HIVEP2: variants seen among roughly 807,000 people sequenced by gnomAD.
The protein encoded by HIVEP2 is HIVEP zinc finger 2, also known as transcription factor HIVEP2.
A neutral mutation model predicts 180.7 loss-of-function variants in HIVEP2; 14 were observed. That is an observed-to-expected ratio of 0.08 (90% CI 0.05 to 0.12). HIVEP2 has a LOEUF of 0.12. Ranked by LOEUF, HIVEP2 falls within the 10% of genes least tolerant of loss-of-function variation. The pLI, the probability that HIVEP2 is intolerant of heterozygous loss-of-function variation, is 1.00. For synonymous variants in HIVEP2, 1,184 were observed against 1,136.4 expected, an observed-to-expected ratio of 1.04 and a Z score of -0.84; for missense variants, 2,579 against 3,008.5, an observed-to-expected ratio of 0.86 and a Z score of 3.34.
At chr6:142,795,595 G>C (rs1776260298) in intron 2 of HIVEP2, among the ~76,000 whole-genome samples, 2 of 152,112 alleles carry the variant, frequency 1.3e-5, no homozygotes, top group African/African-American at 4.8e-5. Context: ...TTTTAACATA[G>C]ATGTAAATTA....
intron 1 of HIVEP2, among the ~76,000 whole-genome samples, chr6:142,891,266 G>A (rs1452583387): frequency 6.6e-6 from 1 of 152,016 alleles, no homozygotes; most frequent in East Asian, 1.9e-4. Flanking sequence ...TCCTGTTCTT[G>A]TACTCAAGGA....
chr6:142,762,396 G>A (rs1177355271), intron 7 of HIVEP2, among the ~76,000 whole-genome samples: 1 of 151,660 alleles, frequency 6.6e-6, no homozygotes, highest in East Asian at 1.9e-4. Flanking sequence ...TATGAAATGT[G>A]AGAAATTTTG....
At chr6:142,916,466 C>T (rs1328660311) in intron 1 of HIVEP2, among the ~76,000 whole-genome samples, 1 of 152,130 alleles carries the variant, frequency 6.6e-6, no homozygotes, top group East Asian at 1.9e-4. Flanking sequence ...TGATTAGAAC[C>T]ATGATCCCAC....
chr6:142,929,278 G>A (rs1777887487), intron 1 of HIVEP2, among the ~76,000 whole-genome samples: 1 of 152,176 alleles, frequency 6.6e-6, no homozygotes, highest in Non-Finnish European at 1.5e-5. Flanking sequence ...AGTTGCTGAT[G>A]ATGGCACTTG....
At chr6:142,921,556 T>C (rs901025737) in intron 1 of HIVEP2, among the ~76,000 whole-genome samples, 3 of 152,154 alleles carry the variant, frequency 2.0e-5, no homozygotes, top group South Asian at 2.1e-4. Flanking sequence ...GGATAACACA[T>C]GTAAAAGGCC....
Position 142,777,920 on chromosome 6 carries a change from G to A in HIVEP2, c.-432-1729C>T, listed in dbSNP as rs11966674. Among the ~76,000 whole-genome samples, 20 of 152,118 alleles carry A rather than the reference G, an allele frequency of 1.3e-4. No individual in the cohort carries two copies. In the South Asian group the frequency reaches 3.7e-3, roughly 28 times the overall value. On this transcript the variant is annotated intron_variant, in intron 3 of 9. Transcript: ENST00000367603. ...CATGGGCAATTTTCTCCCTAACATC[G>A]AATTTGACTGTGATGATGATGATGA...
intron 1 of HIVEP2, among the ~76,000 whole-genome samples, chr6:142,900,203 C>T (rs1221016419): frequency 6.6e-6 from 1 of 152,072 alleles, no homozygotes; most frequent in Non-Finnish European, 1.5e-5. Context: ...AGGACAGGAA[C>T]GTGGGCAAAT....
intron 3 of HIVEP2, among the ~76,000 whole-genome samples, chr6:142,781,463 A>C (rs1259959178): frequency 1.3e-5 from 2 of 152,166 alleles, no homozygotes; most frequent in African/African-American, 4.8e-5. Context: ...AAGATAATTT[A>C]CTGGAGAATA....
chr6:142,921,895 G>A (rs1195282612), intron 1 of HIVEP2, among the ~76,000 whole-genome samples: 1 of 152,212 alleles, frequency 6.6e-6, no homozygotes. Flanking sequence ...GCAAATGACA[G>A]ATCAAACTAC....
intron 1 of HIVEP2, among the ~76,000 whole-genome samples, chr6:142,862,927 T>G (rs1231420851): frequency 7.3e-6 from 1 of 137,118 alleles, no homozygotes; most frequent in Non-Finnish European, 1.5e-5. Flanking sequence ...AAATGTAATA[T>G]ATTGTACTTT....
chr6:142,785,033 A>G lies in HIVEP2; in HGVS notation c.-527-1418T>C, dbSNP rs1197088653. On this transcript the variant is annotated intron_variant, in intron 2 of 9. Coordinates refer to ENST00000367603, the MANE Select transcript of HIVEP2 (RefSeq NM_006734.4). ...CTCCCAAGTAGCTGGGACTACAGGC[A>G]CCCACCACCACGCCCAGCTAATTTT... 2.6e-5 allele frequency among the ~76,000 whole-genome samples: 4 copies of G among 151,826 alleles called. No homozygotes were observed. In the East Asian group the frequency reaches 7.8e-4, roughly 30 times the overall value.
intron 2 of HIVEP2, among the ~76,000 whole-genome samples, chr6:142,812,874 A>T (rs1412761179): frequency 6.6e-6 from 1 of 152,206 alleles, no homozygotes; most frequent in East Asian, 1.9e-4. Flanking sequence ...ATAATACATT[A>T]TTGAAGAAAA....
chr6:142,755,422 G>A (rs1775039872), intron 9 of HIVEP2, among the ~76,000 whole-genome samples: 1 of 152,220 alleles, frequency 6.6e-6, no homozygotes, highest in Non-Finnish European at 1.5e-5. Flanking sequence ...GACCTGTAAT[G>A]CCTACAGTAA....
chr6:142,771,511 C>T lies in HIVEP2; in HGVS notation c.3228G>A (p.Lys1076=). The T allele has an allele frequency of 6.2e-7, 1 of 1,613,780 alleles. No homozygotes were observed. Among genetic ancestry groups the T allele is most frequent in the Non-Finnish European group, 8.5e-7 (1 of 1,180,028 alleles). Residue 1076 remains lysine, a synonymous_variant, in exon 5 of 10, where the codon AAG becomes AAA. Coordinates refer to ENST00000367603, the MANE Select transcript of HIVEP2 (RefSeq NM_006734.4). This position sits in a 1 kb window ranked among gnomAD's most constrained non-coding sequence, Gnocchi z 5.4. Reference sequence around the variant, plus strand: ...AAGCTTGCCGCACCAGAAAGCATTTCTTCCTCTCCCTGGACGGTGATACCG... The same window carrying T: ...AAGCTTGCCGCACCAGAAAGCATTTTTTCCTCTCCCTGGACGGTGATACCG... The part of the protein sequence containing the change: ...ASTVSPSRER[K]KCFLVRQASF...
At chr6:142,816,402 T>C (rs1776836095) in intron 2 of HIVEP2, among the ~76,000 whole-genome samples, 1 of 152,206 alleles carries the variant, frequency 6.6e-6, no homozygotes. Flanking sequence ...CATCTCTTTG[T>C]CTACTTCTCA....
chr6:142,812,303 A>G (rs1329715003), intron 2 of HIVEP2, among the ~76,000 whole-genome samples: 2 of 152,226 alleles, frequency 1.3e-5, no homozygotes, highest in Non-Finnish European at 2.9e-5. Flanking sequence ...CCTAGTATTC[A>G]CAAAGGGCCG....
chr6:142,772,065 G>A lies in HIVEP2; in HGVS notation c.2674C>T (p.Arg892Ter). ...RQHNIQVPEI[R>*]VTEEPDKPEK... ...GGTTTATCAGGCTCCTCGGTCACTC[G>A]AATCTCAGGAACCTGGATGTTGTGT... is the stretch of plus-strand genomic sequence containing the variant. Residue 892 changes from arginine (R) to a stop codon, truncating the protein, a stop_gained, in exon 5 of 10, where the codon CGA (arginine) becomes TGA (stop). Transcript: ENST00000367603. LOFTEE classifies it high-confidence loss of function. The surrounding 1 kb of genome is among the most constrained non-coding windows in gnomAD (Gnocchi z 4.9). The A allele has an allele frequency of 6.2e-7, 1 of 1,614,142 alleles. No individual in the cohort carries two copies. The highest frequency in any genetic ancestry group is 8.5e-7 in the Non-Finnish European group (1 of 1,180,034).
At chr6:142,930,794 A>G (rs1777925749) in intron 1 of HIVEP2, among the ~76,000 whole-genome samples, 1 of 152,190 alleles carries the variant, frequency 6.6e-6, no homozygotes, top group Admixed American at 6.6e-5. Context: ...ATGTTATTGA[A>G]ACAGCAGTGT....
At chr6:142,879,311 C>T (rs1169944859) in intron 1 of HIVEP2, among the ~76,000 whole-genome samples, 1 of 152,106 alleles carries the variant, frequency 6.6e-6, no homozygotes, top group Non-Finnish European at 1.5e-5. Context: ...CTGTAGTAGA[C>T]CAGGCATGAT....
Sources: gnomAD v4.1 joint callset for allele counts (sites outside exome capture counted in the v4.1 genomes callset) on GRCh38, gnomAD v4.1.1 for gene constraint, Gnocchi (gnomAD v3.1) non-coding constraint, MANE v1.5 for transcripts, NCBI Gene and HGNC (gene_info 2026-07-23, HGNC 2026-07-21) for gene names.